Variants in PPM1D observed in about 807,000 individuals in gnomAD.
The protein encoded by PPM1D is protein phosphatase 1D.
A neutral mutation model predicts 58.3 loss-of-function variants in PPM1D; 52 were observed. That is an observed-to-expected ratio of 0.89 (90% CI 0.71 to 1.12). PPM1D has a LOEUF of 1.12. Ranked by LOEUF, PPM1D falls within the 50% of genes most tolerant of loss-of-function variation. The pLI is 0.00. For missense variants in PPM1D, 564 were observed against 777.2 expected, an observed-to-expected ratio of 0.73 and a Z score of 3.26; for synonymous variants, 278 against 285.1, an observed-to-expected ratio of 0.98 and a Z score of 0.25.
In PPM1D at chr17:60,600,297, C is replaced by T. The variant is rs1266735124; in HGVS notation, c.-118C>T. 5.5e-6 allele frequency: 8 copies of T among 1,455,768 alleles called. No homozygotes were observed. In the Admixed American group the frequency reaches 1.3e-4, roughly 24 times the overall value. The allele number at this position is 1,455,768 out of a possible 1,614,324, so 90.2% of individuals were successfully genotyped here. On this transcript the variant is annotated 5_prime_UTR_variant, in exon 1 of 6. Coordinates refer to ENST00000305921, the MANE Select transcript of PPM1D (RefSeq NM_003620.4). ...GCCCCCCCTTCTCCGGGTCCGCCCC[C>T]TCCCCCTTCTCGGCGTCGTCGAAGA... is the stretch of plus-strand genomic sequence containing the variant.
intron 3 of PPM1D, among the ~76,000 whole-genome samples, chr17:60,643,270 C>G (rs1421681286): frequency 6.6e-6 from 1 of 151,970 alleles, no homozygotes; most frequent in Non-Finnish European, 1.5e-5. Context: ...GTAGTCCCAG[C>G]TACTTGGAAG....
At chr17:60,636,459 T>C (rs1437265140) in intron 3 of PPM1D, among the ~76,000 whole-genome samples, 1 of 152,052 alleles carries the variant, frequency 6.6e-6, no homozygotes, top group Non-Finnish European at 1.5e-5. Context: ...TAAACTAAAA[T>C]AACTAAGTAG....
intron 1 of PPM1D, among the ~76,000 whole-genome samples, chr17:60,616,287 CAAA>C (rs540660869): frequency 1.4e-5 from 1 of 70,428 alleles, no homozygotes. Context: ...GGCTCTGTCT[CAAA>C]AAAAAAAAAA....
chr17:60,640,045 G>T (rs932395371), intron 3 of PPM1D, among the ~76,000 whole-genome samples: 2 of 152,216 alleles, frequency 1.3e-5, no homozygotes, highest in African/African-American at 4.8e-5. Context: ...TTGGCTGGAT[G>T]TGGTGGCTCA....
intron 2 of PPM1D, among the ~76,000 whole-genome samples, chr17:60,628,733 C>T (rs2030861647): frequency 6.6e-6 from 1 of 151,842 alleles, no homozygotes; most frequent in Non-Finnish European, 1.5e-5. Context: ...AGTCATGCAG[C>T]CTCTCAAAAA....
chr17:60,617,415 G>A (rs2030607348), intron 1 of PPM1D, among the ~76,000 whole-genome samples: 1 of 151,852 alleles, frequency 6.6e-6, no homozygotes, highest in Non-Finnish European at 1.5e-5. Flanking sequence ...AGTAGCACAT[G>A]CTTATAGTCC....
In PPM1D at chr17:60,656,794, G is replaced by C. The variant is rs2031447940; in HGVS notation, c.1213G>C (p.Glu405Gln). 6.2e-7 allele frequency: 1 copy of C among 1,614,054 alleles called. No individual in the cohort carries two copies. Among genetic ancestry groups the C allele is most frequent in the African/African-American group, 1.3e-5 (1 of 74,926 alleles). Residue 405 changes from glutamate (E) to glutamine (Q), a missense_variant, in exon 5 of 6, where the codon GAA becomes CAA. Glu to Gln is a conservative substitution (Grantham distance 29). This residue lies in a region of PPM1D where 261 missense variants were observed against 270.1 expected (regional missense o/e 0.97). Coordinates refer to ENST00000305921, the MANE Select transcript of PPM1D (RefSeq NM_003620.4). The part of the protein sequence containing the change: ...LTDSPSYNSQ[E>Q]TCVMTPSPCS... The stretch of plus-strand genomic sequence containing the variant: ...TGACAGCCCTTCCTATAATAGTCAA[G>C]AAACCTGTGTGATGACTCCTTCCCC...
At chr17:60,644,917 T>C (rs1271084353) in intron 3 of PPM1D, among the ~76,000 whole-genome samples, 1 of 152,224 alleles carries the variant, frequency 6.6e-6, no homozygotes, top group African/African-American at 2.4e-5. Flanking sequence ...TTAAGATTTA[T>C]ATGCGTGAAA....
rs1440132779 is a variant in PPM1D at position 60,663,678 on chromosome 17, A to G, written c.*126A>G. The G allele has an allele frequency of 1.9e-6, 2 of 1,053,766 alleles. No homozygotes were observed. Among genetic ancestry groups the G allele is most frequent in the Non-Finnish European group, 2.7e-6 (2 of 751,222 alleles). 65.3% of individuals were successfully genotyped at this position (1,053,766 alleles called of 1,614,324 possible). On this transcript the variant is annotated 3_prime_UTR_variant, in exon 6 of 6. Coordinates refer to ENST00000305921, the MANE Select transcript of PPM1D (RefSeq NM_003620.4). The stretch of plus-strand genomic sequence containing the variant: ...GAAATATACAGTTTGACTTTTTGGA[A>G]TTCAGCAGTTTTATCCTGGCCTTGT...
intron 4 of PPM1D, 70 bp from the exon 5 acceptor site, chr17:60,656,529 T>TGATATA (rs2031442137): frequency 3.3e-6 from 5 of 1,538,334 alleles, no homozygotes; most frequent in Non-Finnish European, 4.4e-6. Context: ...ATATTTAATT[T>TGATATA]GATATAGATA....
At chr17:60,603,895 A>G (rs535235846) in intron 1 of PPM1D, among the ~76,000 whole-genome samples, 5 of 152,256 alleles carry the variant, frequency 3.3e-5, no homozygotes, top group Non-Finnish European at 5.9e-5. Flanking sequence ...ATATTTTATT[A>G]GTCTTTTCAG....
At chr17:60,657,896 C>T (rs1219923141) in intron 5 of PPM1D, among the ~76,000 whole-genome samples, 2 of 152,222 alleles carry the variant, frequency 1.3e-5, no homozygotes, top group South Asian at 2.1e-4. Flanking sequence ...CCCGCCACTA[C>T]GCCCTGCTAA....
chr17:60,636,660 A>G (rs1452829424), intron 3 of PPM1D, among the ~76,000 whole-genome samples: 1 of 152,046 alleles, frequency 6.6e-6, no homozygotes, highest in Non-Finnish European at 1.5e-5. Flanking sequence ...TTTAGGCAGA[A>G]GTAACAAATG....
intron 5 of PPM1D, 144 bp downstream of exon 5, chr17:60,656,985 C>T: frequency 1.3e-6 from 2 of 1,564,200 alleles, no homozygotes; most frequent in South Asian, 1.1e-5. Context: ...TATCAGAGAG[C>T]CATCTTTACA....
intron 1 of PPM1D, among the ~76,000 whole-genome samples, chr17:60,608,938 G>A (rs2030391803): frequency 1.3e-5 from 2 of 151,296 alleles, no homozygotes; most frequent in Admixed American, 6.6e-5. Flanking sequence ...TAGTAGAGAC[G>A]GGGTTTCACC....
chr17:60,630,395 C>G (rs2030896794), intron 2 of PPM1D, among the ~76,000 whole-genome samples: 1 of 151,956 alleles, frequency 6.6e-6, no homozygotes. Flanking sequence ...ACCATCTGGA[C>G]AGTTGGGCAG....
chr17:60,656,819 C>G lies in PPM1D; in HGVS notation c.1238C>G (p.Pro413Arg). Residue 413 changes from proline (P) to arginine (R), a missense_variant, in exon 5 of 6, where the codon CCA (proline) becomes CGA (arginine). Around this residue, in one of 7 missense-constraint regions of PPM1D, gnomAD observed 261 missense variants for 270.1 expected, o/e 0.97. Transcript: ENST00000305921. ...GAAACCTGTGTGATGACTCCTTCCC[C>G]ATGTTCTACACCACCAGTCAAGGTA... ...SQETCVMTPS[P>R]CSTPPVKSLE... The G allele has an allele frequency of 6.2e-7, 1 of 1,614,172 alleles. No individual in the cohort carries two copies. Among genetic ancestry groups the G allele is most frequent in the Non-Finnish European group, 8.5e-7 (1 of 1,180,020 alleles).
intron 3 of PPM1D, among the ~76,000 whole-genome samples, chr17:60,645,909 G>A (rs936633482): frequency 2.0e-5 from 3 of 151,898 alleles, no homozygotes; most frequent in African/African-American, 7.3e-5. Context: ...TTGGGGAACC[G>A]AGGTGGGAGG....
intron 1 of PPM1D, among the ~76,000 whole-genome samples, chr17:60,609,244 C>T (rs1490075733): frequency 6.6e-6 from 1 of 151,912 alleles, no homozygotes; most frequent in Admixed American, 6.6e-5. Flanking sequence ...CAGGCGCGCA[C>T]TACCACGCCC....
Sources: allele counts gnomAD v4.1 joint callset (sites outside exome capture counted in the v4.1 genomes callset), GRCh38; gene constraint gnomAD v4.1.1; regional missense constraint gnomAD v4.1.1; transcripts MANE v1.5; gene names NCBI Gene and HGNC (gene_info 2026-07-23, HGNC 2026-07-21).